Variants in PDE7B observed in about 807,000 individuals in gnomAD.
PDE7B encodes phosphodiesterase 7B.
In PDE7B, 29 loss-of-function variants were observed where a neutral mutation model predicts 56.2. That is an observed-to-expected ratio of 0.52 (90% CI 0.38 to 0.70). The LOEUF is 0.70. Ranked by LOEUF, PDE7B falls within the 30% of genes least tolerant of loss-of-function variation. The pLI, the probability that PDE7B is intolerant of heterozygous loss-of-function variation, is 0.00. For missense variants in PDE7B, 490 were observed against 565.0 expected (o/e 0.87, Z 1.35); for synonymous variants, 197 against 196.9 (o/e 1.00, Z 0.00).
chr6:136,093,004 G>A (rs6916178), intron 2 of PDE7B, among the ~76,000 whole-genome samples: 2,019 of 152,240 alleles, frequency 0.013, 39 homozygotes, highest in African/African-American at 0.046. Context: ...GCTTCATGGT[G>A]GTAATCATTT....
chr6:136,104,175 G>A (rs1777608450), intron 2 of PDE7B, among the ~76,000 whole-genome samples: 2 of 147,524 alleles, frequency 1.4e-5, no homozygotes, highest in Non-Finnish European at 2.9e-5. Flanking sequence ...CAGCCTGAAG[G>A]GGCAAAAAAA....
intron 3 of PDE7B, among the ~76,000 whole-genome samples, chr6:136,134,734 CAAAAAA>C (rs67667001): frequency 1.1e-4 from 10 of 91,264 alleles, no homozygotes; most frequent in East Asian, 9.6e-4. Context: ...TTATGGTAGG[CAAAAAA>C]AAAAAAAAAA....
At chr6:135,892,230 T>G (rs1775821468) in intron 1 of PDE7B, among the ~76,000 whole-genome samples, 1 of 152,122 alleles carries the variant, frequency 6.6e-6, no homozygotes, top group Non-Finnish European at 1.5e-5. Flanking sequence ...ATGAAATATA[T>G]CTTTGGCTTA....
At chr6:135,921,908 A>C (rs1434835084) in intron 1 of PDE7B, among the ~76,000 whole-genome samples, 1 of 152,074 alleles carries the variant, frequency 6.6e-6, no homozygotes, top group Non-Finnish European at 1.5e-5. Context: ...GCATCCCCAA[A>C]ACAATGAAAA....
intron 2 of PDE7B, among the ~76,000 whole-genome samples, chr6:136,035,693 C>T (rs903388675): frequency 6.6e-6 from 1 of 152,170 alleles, no homozygotes; most frequent in African/African-American, 2.4e-5. Flanking sequence ...GGCCCTGACT[C>T]ATCTCCACTA....
rs564027393 is a variant in PDE7B at position 135,962,728 on chromosome 6, C to T, written c.82+15204C>T. ...GACTTCAACTGTGCCTTAAGGTAAC[C>T]ACTACACCAGTTGCTGCATCTTAGA... On this transcript the variant is annotated intron_variant, in intron 2 of 12. Transcript: ENST00000308191. Among the ~76,000 whole-genome samples, 16 of 152,162 alleles carry T rather than the reference C, an allele frequency of 1.1e-4. No individual in the cohort carries two copies. In the South Asian group the frequency reaches 2.3e-3, roughly 22 times the overall value.
chr6:135,954,738 C>T (rs1774759421), intron 2 of PDE7B, among the ~76,000 whole-genome samples: 1 of 152,090 alleles, frequency 6.6e-6, no homozygotes, highest in Admixed American at 6.6e-5. Flanking sequence ...AATTTTTTCA[C>T]CTTGAGGGTT....
At chr6:136,012,053 T>G (rs189283974) in intron 2 of PDE7B, among the ~76,000 whole-genome samples, 2 of 152,186 alleles carry the variant, frequency 1.3e-5, no homozygotes, top group African/African-American at 4.8e-5. Flanking sequence ...AAAAGGCTCC[T>G]GAACAACCCC....
intron 3 of PDE7B, among the ~76,000 whole-genome samples, chr6:136,129,108 G>T (rs945717366): frequency 1.3e-5 from 2 of 152,068 alleles, no homozygotes; most frequent in Non-Finnish European, 2.9e-5. Context: ...ATCTGTATTG[G>T]GCATATACCA....
intron 1 of PDE7B, among the ~76,000 whole-genome samples, chr6:135,906,760 T>C (rs1414681120): frequency 2.7e-5 from 4 of 149,146 alleles, no homozygotes; most frequent in Non-Finnish European, 4.4e-5. Flanking sequence ...ATACTTTTCA[T>C]AGCAGAAACA....
At chr6:136,047,500 G>A (rs1314126177) in intron 2 of PDE7B, 1 of 152,110 alleles carries the variant, frequency 6.6e-6, no homozygotes, top group East Asian at 1.9e-4. Context: ...AAGAAAGTGG[G>A]GAGGGAATGT....
chr6:136,152,083 T>G (rs1038202761), intron 6 of PDE7B, among the ~76,000 whole-genome samples: 2 of 152,200 alleles, frequency 1.3e-5, no homozygotes, highest in Non-Finnish European at 2.9e-5. Flanking sequence ...GAGGAGGGGT[T>G]GGTCTTCCTG....
At chr6:135,900,240 C>A (rs1775976081) in intron 1 of PDE7B, among the ~76,000 whole-genome samples, 1 of 151,934 alleles carries the variant, frequency 6.6e-6, no homozygotes, top group Non-Finnish European at 1.5e-5. Context: ...GCATGTGAAT[C>A]TTTTTAGTGC....
At chr6:135,969,608 T>A (rs1775057445) in intron 2 of PDE7B, among the ~76,000 whole-genome samples, 1 of 152,072 alleles carries the variant, frequency 6.6e-6, no homozygotes, top group Non-Finnish European at 1.5e-5. Flanking sequence ...TTACAACTTA[T>A]ACAAAAATTA....
At chr6:135,993,931 A>G (rs922132419) in intron 2 of PDE7B, among the ~76,000 whole-genome samples, 1 of 152,206 alleles carries the variant, frequency 6.6e-6, no homozygotes, top group Non-Finnish European at 1.5e-5. Flanking sequence ...ATAGGAGGAG[A>G]GGTATAATTA....
intron 2 of PDE7B, chr6:136,012,526 A>G (rs1022659299): frequency 9.9e-5 from 15 of 152,234 alleles, no homozygotes; most frequent in African/African-American, 3.6e-4. Context: ...GGAACGAGGA[A>G]TATGTGTTTA....
intron 2 of PDE7B, among the ~76,000 whole-genome samples, chr6:136,005,199 T>A (rs376757941): frequency 6.6e-6 from 1 of 152,126 alleles, no homozygotes; most frequent in African/African-American, 2.4e-5. Flanking sequence ...ATACAAAAAT[T>A]AATTCAAAAT....
chr6:136,104,468 C>A (rs931983712), intron 2 of PDE7B, among the ~76,000 whole-genome samples: 1 of 152,156 alleles, frequency 6.6e-6, no homozygotes, highest in African/African-American at 2.4e-5. Context: ...CTTGTTCTGT[C>A]CCTCAGAAAA....
At chr6:136,079,989 A>C (rs981851340) in intron 2 of PDE7B, among the ~76,000 whole-genome samples, 1 of 152,114 alleles carries the variant, frequency 6.6e-6, no homozygotes, top group Non-Finnish European at 1.5e-5. Context: ...AAAGAGCAAC[A>C]AGGTCTGGGA....
Sources: allele counts gnomAD v4.1 joint callset (sites outside exome capture counted in the v4.1 genomes callset), GRCh38; gene constraint gnomAD v4.1.1; transcripts MANE v1.5; gene names NCBI Gene and HGNC (gene_info 2026-07-23, HGNC 2026-07-21).